The following ITGA11 variants were observed in gnomAD, a reference collection of about 807,000 sequenced individuals.
ITGA11 encodes integrin alpha-11.
ITGA11 carries 97 observed loss-of-function variants against 141.9 expected under a neutral mutation model. The ratio of observed to expected loss-of-function variants is 0.68; its 90% CI spans 0.58 to 0.81. The LOEUF (loss-of-function observed/expected upper bound fraction) is 0.81, where lower values mean the gene tolerates loss of function less well. Ranked by LOEUF, ITGA11 falls within the 30% of genes least tolerant of loss-of-function variation. ITGA11 has a pLI of 0.00. For synonymous variants in ITGA11, 658 were observed against 624.6 expected (o/e 1.05, Z -0.80); for missense variants, 1,387 against 1,559.2 (o/e 0.89, Z 1.86).
intron 2 of ITGA11, among the ~76,000 whole-genome samples, chr15:68,401,850 G>T (rs1187358066): frequency 6.6e-6 from 1 of 152,164 alleles, no homozygotes; most frequent in African/African-American, 2.4e-5. Context: ...TACCTCGGTA[G>T]AAAGATAATA....
intron 15 of ITGA11, among the ~76,000 whole-genome samples, chr15:68,329,767 C>A (rs796241751): frequency 3.9e-5 from 6 of 152,346 alleles, no homozygotes; most frequent in South Asian, 4.1e-4. Context: ...ACCACCACCA[C>A]CAACAAGGAC....
Position 68,304,001 on chromosome 15 carries a change from T to C in ITGA11, c.3382-116A>G. The C allele has an allele frequency of 1.6e-6, 1 of 636,120 alleles. No individual in the cohort carries two copies. Among genetic ancestry groups the C allele is most frequent in the African/African-American group, 1.8e-5 (1 of 54,856 alleles). 39.4% of individuals were successfully genotyped at this position (636,120 alleles called of 1,614,324 possible). On this transcript the variant is annotated intron_variant, in intron 28 of 29. Coordinates refer to ENST00000315757, the MANE Select transcript of ITGA11 (RefSeq NM_001004439.2). The surrounding 1 kb of genome is among the most constrained non-coding windows in gnomAD (Gnocchi z 6.1). ...ACCTGGTGGGGGAGCTGCATCCTCTTCCTCAGGGGGATACCAGAGGGATGG... is the reference window on the plus strand; with the variant it reads ...ACCTGGTGGGGGAGCTGCATCCTCTCCCTCAGGGGGATACCAGAGGGATGG...
At chr15:68,408,481 A>G (rs1330312992) in intron 1 of ITGA11, among the ~76,000 whole-genome samples, 1 of 152,132 alleles carries the variant, frequency 6.6e-6, no homozygotes, top group Non-Finnish European at 1.5e-5. Flanking sequence ...CACTTAGCAC[A>G]GGGGATGAGT....
At chr15:68,404,155 C>G (rs760865523) in intron 1 of ITGA11, among the ~76,000 whole-genome samples, 13 of 152,248 alleles carry the variant, frequency 8.5e-5, no homozygotes, top group Non-Finnish European at 1.9e-4. Flanking sequence ...CCTCCTCCTC[C>G]CTTCATTACC....
chr15:68,389,718 A>C (rs776091249), intron 2 of ITGA11, among the ~76,000 whole-genome samples: 2 of 152,096 alleles, frequency 1.3e-5, no homozygotes, highest in African/African-American at 2.4e-5. Context: ...CTCACTGGGG[A>C]CTGGCAGTCT....
chr15:68,342,037 G>A (rs1894588543), intron 10 of ITGA11, among the ~76,000 whole-genome samples: 2 of 152,204 alleles, frequency 1.3e-5, no homozygotes, highest in African/African-American at 4.8e-5. Context: ...TCTGAGGATG[G>A]GGACACTGTG....
At chr15:68,338,795 C>T (rs774803097) in intron 11 of ITGA11, among the ~76,000 whole-genome samples, 25 of 152,216 alleles carry the variant, frequency 1.6e-4, no homozygotes, top group Non-Finnish European at 2.5e-4. Flanking sequence ...GGAGTAACTT[C>T]ACAGACAGTG....
rs1336907279 is a variant in ITGA11 at position 68,357,133 on chromosome 15, G to T, written c.749+18C>A. 6.2e-7 allele frequency: 1 copy of T among 1,601,532 alleles called. No homozygotes were observed. The highest frequency in any genetic ancestry group is 1.8e-5 in the Admixed American group (1 of 56,490). ...TCTGAGATCTAAAAAAATTTTTTTT[G>T]TTCTACTTTTTTTTTACCGTGCAAA... On this transcript the variant is annotated intron_variant, in intron 7 of 29. Coordinates refer to ENST00000315757, the MANE Select transcript of ITGA11 (RefSeq NM_001004439.2).
intron 1 of ITGA11, among the ~76,000 whole-genome samples, chr15:68,408,046 A>G (rs1896688622): frequency 6.6e-6 from 1 of 152,180 alleles, no homozygotes; most frequent in Non-Finnish European, 1.5e-5. Context: ...AAAATGTTCC[A>G]TGTGGCCCCA....
chr15:68,372,347 G>C (rs28497433), intron 2 of ITGA11, among the ~76,000 whole-genome samples: 2,919 of 152,020 alleles, frequency 0.019, 84 homozygotes, highest in African/African-American at 0.066. Context: ...GCAGCCTCAG[G>C]CTTATACAGC....
In ITGA11 at chr15:68,298,518, CAA is replaced by C. The variant is rs1177695676; in HGVS notation, c.*4539_*4540del. 1 of 152,000 alleles carries C rather than the reference CAA, an allele frequency of 6.6e-6. No homozygotes were observed. The highest frequency in any genetic ancestry group is 2.4e-5 in the African/African-American group (1 of 41,356). 9.4% of individuals were successfully genotyped at this position (152,000 alleles called of 1,614,324 possible). ...GTGCATGTCTGTAGTCCCAGCTACTCAAGAGGCTGAGGTGGGAGGATCACTGA... is the reference window on the plus strand; with the variant it reads ...GTGCATGTCTGTAGTCCCAGCTACTCGAGGCTGAGGTGGGAGGATCACTGA... On this transcript the variant is annotated 3_prime_UTR_variant, in exon 30 of 30. Transcript: ENST00000315757.
intron 20 of ITGA11, among the ~76,000 whole-genome samples, chr15:68,319,564 A>T (rs1048378451): frequency 7.2e-5 from 11 of 152,158 alleles, no homozygotes; most frequent in Non-Finnish European, 1.6e-4. Context: ...AGGAGCCTGG[A>T]GTTTGTTCTG....
chr15:68,379,591 A>G (rs6494740), intron 2 of ITGA11, among the ~76,000 whole-genome samples: 131,108 of 152,216 alleles, frequency 0.86, 56,893 homozygotes, highest in East Asian at 1. Context: ...TCTGGGTCCC[A>G]TCTGCAGGTG....
chr15:68,369,691 C>T (rs571393059), intron 2 of ITGA11, among the ~76,000 whole-genome samples: 4 of 152,364 alleles, frequency 2.6e-5, no homozygotes, highest in Non-Finnish European at 5.9e-5. Flanking sequence ...TCTGGAGCCA[C>T]AGAGTCTTGA....
intron 2 of ITGA11, among the ~76,000 whole-genome samples, chr15:68,378,136 G>A (rs1895773536): frequency 6.6e-6 from 1 of 152,238 alleles, no homozygotes; most frequent in Admixed American, 6.5e-5. Context: ...CCAGCGGTGG[G>A]AAGAAAAGAT....
intron 1 of ITGA11, among the ~76,000 whole-genome samples, chr15:68,411,244 G>A (rs1333831086): frequency 1.3e-5 from 2 of 152,212 alleles, no homozygotes; most frequent in African/African-American, 2.4e-5. Context: ...AAGGCCTGGT[G>A]CTCAGAAAAA....
intron 1 of ITGA11, among the ~76,000 whole-genome samples, chr15:68,416,961 G>A (rs1393436442): frequency 6.6e-6 from 1 of 152,162 alleles, no homozygotes; most frequent in Non-Finnish European, 1.5e-5. Flanking sequence ...GAAAACTAGT[G>A]TATTTTTCCA....
chr15:68,422,240 T>C (rs1049766296), intron 1 of ITGA11, among the ~76,000 whole-genome samples: 2 of 152,092 alleles, frequency 1.3e-5, no homozygotes, highest in Non-Finnish European at 2.9e-5. Flanking sequence ...CATTCTCCAC[T>C]GCCTGAGGGC....
intron 2 of ITGA11, among the ~76,000 whole-genome samples, chr15:68,386,853 G>C (rs1421680227): frequency 6.6e-6 from 1 of 152,148 alleles, no homozygotes; most frequent in Non-Finnish European, 1.5e-5. Context: ...CTCCTCTCGT[G>C]GGTACAAGAC....
Sources: allele counts gnomAD v4.1 joint callset (sites outside exome capture counted in the v4.1 genomes callset), GRCh38; gene constraint gnomAD v4.1.1; non-coding constraint Gnocchi (gnomAD v3.1); transcripts MANE v1.5; gene names NCBI Gene and HGNC (gene_info 2026-07-23, HGNC 2026-07-21).